TBCK: variants seen among roughly 807,000 people sequenced by gnomAD.
TBCK encodes the protein TBC domain-containing protein kinase-like protein.
Under a neutral mutation model 113.4 loss-of-function variants are expected in TBCK, and 99 were observed. That is an observed-to-expected ratio of 0.87 (90% CI 0.74 to 1.03). TBCK has a LOEUF of 1.03. TBCK is among the 50% of genes least tolerant of loss of function. The pLI is 0.00. For synonymous variants in TBCK, 369 were observed against 370.8 expected (o/e 1.00, Z 0.05); for missense variants, 1,045 against 1,061.3 (o/e 0.98, Z 0.21).
At position 106,304,822 on chromosome 4, in the gene TBCK, T is replaced by C. The variant is rs192619667; in HGVS notation, c.193+3946A>G. Among the ~76,000 whole-genome samples the C allele has an allele frequency of 3.3e-5, 5 of 152,288 alleles. No individual in the cohort carries two copies. In the East Asian group the frequency reaches 5.8e-4, roughly 18 times the overall value. ...GATAAATTCCATTTGGAAATTATCC[T>C]CTCCTACACTAGGAAGAGGAAAATG... On this transcript the variant is annotated intron_variant, in intron 2 of 25. Transcript: ENST00000394708.
intron 20 of TBCK, among the ~76,000 whole-genome samples, chr4:106,195,617 C>A (rs959647293): frequency 6.6e-6 from 1 of 151,832 alleles, no homozygotes. Flanking sequence ...AGAGCCTGAA[C>A]AAAACAAAGG....
chr4:106,229,528 C>A (rs1374863035), intron 19 of TBCK, among the ~76,000 whole-genome samples: 1 of 151,912 alleles, frequency 6.6e-6, no homozygotes, highest in Non-Finnish European at 1.5e-5. Flanking sequence ...TTCTTGACAC[C>A]TTTGTTGAAA....
chr4:106,225,006 A>G (rs995040366), intron 19 of TBCK, among the ~76,000 whole-genome samples: 5 of 152,150 alleles, frequency 3.3e-5, no homozygotes, highest in Admixed American at 2.6e-4. Context: ...ATAAGTAGTC[A>G]TTTTCACATT....
chr4:106,254,511 G>A (rs1035835337), intron 5 of TBCK, among the ~76,000 whole-genome samples: 2 of 151,818 alleles, frequency 1.3e-5, no homozygotes, highest in East Asian at 1.9e-4. Context: ...TTCTCTTTAC[G>A]GTATCTGTTT....
chr4:106,288,383 G>C (rs1343493924), intron 3 of TBCK, among the ~76,000 whole-genome samples: 1 of 151,384 alleles, frequency 6.6e-6, no homozygotes, highest in Non-Finnish European at 1.5e-5. Flanking sequence ...GACAAAGCGA[G>C]ACTCCGTCTC....
At chr4:106,225,088 T>C (rs1404505944) in intron 19 of TBCK, among the ~76,000 whole-genome samples, 1 of 152,228 alleles carries the variant, frequency 6.6e-6, no homozygotes, top group East Asian at 1.9e-4. Flanking sequence ...ATCTCAATTC[T>C]GTAAGCAGCA....
Position 106,308,799 on chromosome 4 carries a change from G to A in TBCK, c.162C>T (p.Cys54=). Residue 54 remains cysteine, a synonymous_variant, in exon 2 of 26, where the codon TGC becomes TGT. Transcript: ENST00000394708. ...TTCCCCTAGAAATATCCACATACTG[G>A]CAGAGTCTGGGATGGGTGATGGTTT... ...ILKTITHPRL[C]QYVDISRGKH... The A allele has an allele frequency of 6.2e-7, 1 of 1,613,900 alleles. No homozygotes were observed. Among genetic ancestry groups the A allele is most frequent in the Non-Finnish European group, 8.5e-7 (1 of 1,179,924 alleles).
At chr4:106,266,094 G>A (rs1762966168) in intron 3 of TBCK, among the ~76,000 whole-genome samples, 1 of 151,362 alleles carries the variant, frequency 6.6e-6, no homozygotes, top group Admixed American at 6.6e-5. Context: ...TGTATAAATG[G>A]CAATATTCCA....
rs549189558 is a variant in TBCK at position 106,238,081 on chromosome 4, G to A, written c.1171-1273C>T. On this transcript the variant is annotated intron_variant, in intron 12 of 25. Coordinates refer to ENST00000394708, the MANE Select transcript of TBCK (RefSeq NM_001163435.3). ...ACAAGTAGAACTGTAAAGGAATTGA[G>A]ACATTTAGATTTGAAGCCTACATTC... is the stretch of plus-strand genomic sequence containing the variant. 9.9e-4 allele frequency among the ~76,000 whole-genome samples: 151 copies of A among 152,130 alleles called. 1 individual carries two copies. The highest frequency in any genetic ancestry group is 3.5e-3 in the African/African-American group (147 of 41,560).
intron 23 of TBCK, among the ~76,000 whole-genome samples, chr4:106,117,818 G>A (rs1743723428): frequency 6.6e-6 from 1 of 152,038 alleles, no homozygotes; most frequent in South Asian, 2.1e-4. Context: ...GACCATCCTG[G>A]CTAAACCGGT....
At chr4:106,303,327 T>G (rs1767148251) in intron 2 of TBCK, among the ~76,000 whole-genome samples, 1 of 152,224 alleles carries the variant, frequency 6.6e-6, no homozygotes. Flanking sequence ...CCAGTGCTTT[T>G]AAGCCCTTTT....
Position 106,046,658 on chromosome 4 carries a change from A to T in TBCK, c.2594T>A (p.Met865Lys). 6.2e-7 allele frequency: 1 copy of T among 1,611,346 alleles called. No homozygotes were observed. The highest frequency in any genetic ancestry group is 8.5e-7 in the Non-Finnish European group (1 of 1,177,986). ...TAGAATACAGATTCTTGGATATTTC[A>T]TCTTCACAAGGTGAGCTGCAAACTG... The part of the protein sequence containing the change: ...TAEFAAHLVK[M>K]KYPRICILDG... The change falls in exon 26 of 26, where the codon ATG becomes AAG. Residue 865 changes from methionine (M) to lysine (K), a missense_variant. Transcript: ENST00000394708.
chr4:106,282,668 C>T (rs907998402), intron 3 of TBCK, among the ~76,000 whole-genome samples: 1 of 152,018 alleles, frequency 6.6e-6, no homozygotes, highest in Non-Finnish European at 1.5e-5. Context: ...TATTGACCCC[C>T]TTTATTAGTC....
chr4:106,116,404 A>T (rs775089776), intron 23 of TBCK, 26 bp from the exon 24 acceptor site: 2 of 1,569,564 alleles, frequency 1.3e-6, no homozygotes, highest in East Asian at 2.3e-5. Context: ...TACAAAAAAA[A>T]ATATTGAGAA....
intron 2 of TBCK, among the ~76,000 whole-genome samples, chr4:106,307,702 A>C (rs1485563594): frequency 6.6e-6 from 1 of 152,168 alleles, no homozygotes; most frequent in East Asian, 1.9e-4. Context: ...TAGAAAAATT[A>C]AATACATTTC....
intron 20 of TBCK, among the ~76,000 whole-genome samples, chr4:106,212,182 T>C (rs1049820507): frequency 1.3e-5 from 2 of 152,166 alleles, no homozygotes; most frequent in African/African-American, 2.4e-5. Flanking sequence ...TAAGTAATAA[T>C]TGTATACATT....
intron 3 of TBCK, among the ~76,000 whole-genome samples, chr4:106,264,250 A>C (rs950433070): frequency 6.6e-6 from 1 of 152,026 alleles, no homozygotes; most frequent in African/African-American, 2.4e-5. Context: ...GAAGAAAAAA[A>C]AATGAAGTAG....
chr4:106,273,073 T>C (rs7698444), intron 3 of TBCK, among the ~76,000 whole-genome samples: 2,764 of 152,274 alleles, frequency 0.018, 74 homozygotes, highest in African/African-American at 0.061. Flanking sequence ...ATCCACCTTT[T>C]GTAATATACA....
At chr4:106,315,223 T>C (rs2125912397) in intron 1 of TBCK, among the ~76,000 whole-genome samples, 2 of 152,248 alleles carry the variant, frequency 1.3e-5, no homozygotes, top group Middle Eastern at 6.8e-3. Flanking sequence ...TCAACAAATA[T>C]TTTGAAGCCC....
Sources: allele counts gnomAD v4.1 joint callset (sites outside exome capture counted in the v4.1 genomes callset), GRCh38; gene constraint gnomAD v4.1.1; transcripts MANE v1.5; gene names NCBI Gene and HGNC (gene_info 2026-07-23, HGNC 2026-07-21).